Variants in CCN2 observed in about 807,000 individuals in gnomAD.
CCN2 encodes CCN family member 2.
CCN2 carries 22 observed loss-of-function variants against 33.2 expected under a neutral mutation model. The ratio of observed to expected loss-of-function variants is 0.66; its 90% CI spans 0.47 to 0.95. The LOEUF (loss-of-function observed/expected upper bound fraction) is 0.95. Among genes scored for constraint, CCN2 ranks in the 40% least tolerant of loss-of-function variants. The pLI, the probability that CCN2 is intolerant of heterozygous loss-of-function variation, is 0.00. For missense variants in CCN2, 469 were observed against 498.8 expected (o/e 0.94, Z 0.57); for synonymous variants, 178 against 200.6 (o/e 0.89, Z 0.95).
rs916431661 is a variant in CCN2, at chr6:131,951,318, C to T, written c.-146G>A. On this transcript the variant is annotated 5_prime_UTR_variant, in exon 1 of 5. Coordinates refer to ENST00000367976, the MANE Select transcript of CCN2 (RefSeq NM_001901.4). ...GTCGGCCGGGGCGGCTGCCGTCGAG[C>T]TGGAGGGTGGAGTCGCACTGGCTGT... is the stretch of plus-strand genomic sequence containing the variant. 3.3e-6 allele frequency: 2 copies of T among 613,188 alleles called. No homozygotes were observed. The highest frequency in any genetic ancestry group is 4.7e-6 in the Non-Finnish European group (2 of 429,526). The allele number at this position is 613,188 out of a possible 1,614,324, so 38.0% of individuals were successfully genotyped here. A position where few individuals can be genotyped will look rare whatever the true frequency, so the allele number is the denominator to read the frequency against.
rs1453289562 is a variant in CCN2, at chr6:131,949,456, T to G, written c.858A>C (p.Val286=). The part of the protein sequence containing the change: ...MKTYRAKFCG[V]CTDGRCCTPH... Reference sequence around the variant, plus strand: ...GGGTGCAGCATCGGCCGTCGGTACATACTCCACAGAATTTAGCTCGGTATG... The same window carrying G: ...GGGTGCAGCATCGGCCGTCGGTACAGACTCCACAGAATTTAGCTCGGTATG... Residue 286 remains valine (V), a synonymous_variant, in exon 5 of 5, where the codon GTA becomes GTC. Coordinates refer to ENST00000367976, the MANE Select transcript of CCN2 (RefSeq NM_001901.4). 3.1e-6 allele frequency: 5 copies of G among 1,614,074 alleles called. No homozygotes were observed. The highest frequency in any genetic ancestry group is 4.2e-6 in the Non-Finnish European group (5 of 1,180,056).
chr6:131,950,640 G>A lies in CCN2; in HGVS notation c.290-97C>T. 2 of 1,536,294 alleles carry A rather than the reference G, an allele frequency of 1.3e-6. No homozygotes were observed. On this transcript the variant is annotated intron_variant, in intron 2 of 4. Coordinates refer to ENST00000367976, the MANE Select transcript of CCN2 (RefSeq NM_001901.4). This position sits in a 1 kb window ranked among gnomAD's most constrained non-coding sequence, Gnocchi z 7.1. Reference sequence around the variant, plus strand: ...GCGTCAGGGATGCGAGTTGGGATCTGGGCTGCAGGGGGCGGGCTGGCAGCA... The same window carrying A: ...GCGTCAGGGATGCGAGTTGGGATCTAGGCTGCAGGGGGCGGGCTGGCAGCA...
rs1783101332 is a variant in CCN2, at chr6:131,950,986, C to T, written c.73G>A (p.Val25Ile). The change falls in exon 2 of 5, where the codon GTC becomes ATC. Residue 25 changes from valine (V) to isoleucine (I), a missense_variant. Coordinates refer to ENST00000367976, the MANE Select transcript of CCN2 (RefSeq NM_001901.4). The surrounding 1 kb of genome is among the most constrained non-coding windows in gnomAD (Gnocchi z 7.1). ...CACGGCCCGCTGCAGTTCTGGCCGACGGCCGGCTGCAGGGAGGACAGGGCG... is the reference window on the plus strand; with the variant it reads ...CACGGCCCGCTGCAGTTCTGGCCGATGGCCGGCTGCAGGGAGGACAGGGCG... ...VLLALCSRPA[V>I]GQNCSGPCRC... 3.8e-6 allele frequency: 5 copies of T among 1,316,304 alleles called. No homozygotes were observed. The South Asian group carries it at 6.6e-5, about 17-fold the overall frequency. 81.5% of individuals were successfully genotyped at this position (1,316,304 alleles called of 1,614,324 possible).
Position 131,949,204 on chromosome 6 carries a change from A to T in CCN2, c.*60T>A. On this transcript the variant is annotated 3_prime_UTR_variant, in exon 5 of 5. Coordinates refer to ENST00000367976, the MANE Select transcript of CCN2 (RefSeq NM_001901.4). ...CTACTGAAATCATTTTTACGGAAAA[A>T]TGAGATGTGAATCAGTTCAAGTTCC... The T allele has an allele frequency of 2.1e-6, 3 of 1,430,802 alleles. No individual in the cohort carries two copies. The highest frequency in any genetic ancestry group is 1.4e-5 in the African/African-American group (1 of 71,282). The allele number at this position is 1,430,802 out of a possible 1,614,324, so 88.6% of individuals were successfully genotyped here.
Position 131,950,689 on chromosome 6 carries a change from AGC to A in CCN2, c.289+79_289+80del, listed in dbSNP as rs1783092381. On this transcript the variant is annotated intron_variant, in intron 2 of 4. Coordinates refer to ENST00000367976, the MANE Select transcript of CCN2 (RefSeq NM_001901.4). This position sits in a 1 kb window ranked among gnomAD's most constrained non-coding sequence, Gnocchi z 7.1. ...CAGCTGGAGAAAGAAACTCAGTCCG[AGC>A]GGTTTCTTTTTCCAGCGGGCGGGTG... The A allele has an allele frequency of 1.4e-6, 2 of 1,455,046 alleles. No homozygotes were observed. The highest frequency in any genetic ancestry group is 2.8e-5 in the African/African-American group (2 of 70,552). The allele number at this position is 1,455,046 out of a possible 1,614,324, so 90.1% of individuals were successfully genotyped here.
chr6:131,951,007 G>A lies in CCN2; in HGVS notation c.67-15C>T. 1.6e-6 allele frequency: 2 copies of A among 1,281,994 alleles called. No homozygotes were observed. The highest frequency in any genetic ancestry group is 4.3e-5 in the Admixed American group (1 of 23,212). 79.4% of individuals were successfully genotyped at this position (1,281,994 alleles called of 1,614,324 possible). ...CCGACGGCCGGCTGCAGGGAGGACAGGGCGGTCAGCGGCGCTCGGTCGGCG... is the reference window on the plus strand; with the variant it reads ...CCGACGGCCGGCTGCAGGGAGGACAAGGCGGTCAGCGGCGCTCGGTCGGCG... On this transcript the variant is annotated splice_polypyrimidine_tract_variant and intron_variant, in intron 1 of 4. Transcript: ENST00000367976.
chr6:131,950,445 C>A lies in CCN2; in HGVS notation c.388G>T (p.Ala130Ser). Residue 130 changes from alanine to serine, a missense_variant, in exon 3 of 5, where the codon GCG becomes TCG. Transcript: ENST00000367976. This position sits in a 1 kb window ranked among gnomAD's most constrained non-coding sequence, Gnocchi z 7.1. ...CKYQCTCLDG[A>S]VGCMPLCSMD... Reference sequence around the variant, plus strand: ...CTGCACAGGGGCATGCAGCCCACCGCCCCGTCCAGGCACGTGCACTGGTAC... The same window carrying A: ...CTGCACAGGGGCATGCAGCCCACCGACCCGTCCAGGCACGTGCACTGGTAC... 6.2e-7 allele frequency: 1 copy of A among 1,614,036 alleles called. No individual in the cohort carries two copies. Among genetic ancestry groups the A allele is most frequent in the Non-Finnish European group, 8.5e-7 (1 of 1,180,044 alleles).
rs752896023 is a variant in CCN2 at position 131,950,824 on chromosome 6, C to T, written c.235G>A (p.Gly79Ser). The change falls in exon 2 of 5, where the codon GGC becomes AGC. Residue 79 changes from glycine to serine, a missense_variant. By Grantham distance (56) the Gly-to-Ser change is moderately conservative. Transcript: ENST00000367976. This position sits in a 1 kb window ranked among gnomAD's most constrained non-coding sequence, Gnocchi z 7.1. ...GGGGAGCCGAAGTGACAGAATAGGCCCTTGTGCGGGTCGCATGGGTCGCGC... is the reference window on the plus strand; with the variant it reads ...GGGGAGCCGAAGTGACAGAATAGGCTCTTGTGCGGGTCGCATGGGTCGCGC... ...TERDPCDPHK[G>S]LFCHFGSPAN... 4.5e-6 allele frequency: 7 copies of T among 1,542,920 alleles called. No individual in the cohort carries two copies. The highest frequency in any genetic ancestry group is 5.2e-6 in the Non-Finnish European group (6 of 1,151,568).
Position 131,950,611 on chromosome 6 carries a change from C to T in CCN2, c.290-68G>A. The T allele has an allele frequency of 6.3e-7, 1 of 1,576,870 alleles. No individual in the cohort carries two copies. Among genetic ancestry groups the T allele is most frequent in the Non-Finnish European group, 8.6e-7 (1 of 1,158,814 alleles). ...TCAGGCATTGGGGCACTCTCACATC[C>T]AGAGCGTCAGGGATGCGAGTTGGGA... On this transcript the variant is annotated intron_variant, in intron 2 of 4. Coordinates refer to ENST00000367976, the MANE Select transcript of CCN2 (RefSeq NM_001901.4). The surrounding 1 kb of genome is among the most constrained non-coding windows in gnomAD (Gnocchi z 7.1).
chr6:131,949,428 G>A lies in CCN2; in HGVS notation c.886C>T (p.His296Tyr), dbSNP rs15960. The A allele has an allele frequency of 1.2e-6, 2 of 1,614,058 alleles. No homozygotes were observed. The highest frequency in any genetic ancestry group is 1.7e-6 in the Non-Finnish European group (2 of 1,180,044). ...VCTDGRCCTP[H>Y]RTTTLPVEFK... ...TCCACCGGCAGGGTGGTGGTTCTGT[G>A]GGGGGTGCAGCATCGGCCGTCGGTA... The change falls in exon 5 of 5, where the codon CAC (histidine) becomes TAC (tyrosine). Residue 296 changes from histidine to tyrosine, a missense_variant. Physicochemically the swap from His to Tyr is moderately conservative, Grantham distance 83 (BLOSUM62 2). Coordinates refer to ENST00000367976, the MANE Select transcript of CCN2 (RefSeq NM_001901.4).
chr6:131,949,689 A>C, intron 4 of CCN2, 129 bp from the exon 5 acceptor site: 1 of 983,622 alleles, frequency 1.0e-6, no homozygotes, highest in Non-Finnish European at 1.5e-6. Flanking sequence ...TGAGGGGAGG[A>C]AGTTTGAGTC....
chr6:131,949,427 T>TG lies in CCN2; in HGVS notation c.886dup (p.His296ProfsTer14). The TG allele has an allele frequency of 6.2e-7, 1 of 1,614,088 alleles. No individual in the cohort carries two copies. The highest frequency in any genetic ancestry group is 8.5e-7 in the Non-Finnish European group (1 of 1,180,008). On this transcript the variant is annotated frameshift_variant, in exon 5 of 5. Coordinates refer to ENST00000367976, the MANE Select transcript of CCN2 (RefSeq NM_001901.4). LOFTEE classifies it high-confidence loss of function. ...CTCCACCGGCAGGGTGGTGGTTCTG[T>TG]GGGGGGTGCAGCATCGGCCGTCGGT... is the stretch of plus-strand genomic sequence containing the variant.
Position 131,951,183 on chromosome 6 carries a change from G to T in CCN2, c.-11C>A, listed in dbSNP as rs746198748. ...ACTGGCGGCGGTCATGGTTGGCACTGCGGGCGGAGCGGAGGGCGCGGTGGC... is the reference window on the plus strand; with the variant it reads ...ACTGGCGGCGGTCATGGTTGGCACTTCGGGCGGAGCGGAGGGCGCGGTGGC... On this transcript the variant is annotated 5_prime_UTR_variant, in exon 1 of 5. Transcript: ENST00000367976. 1.1e-5 allele frequency: 14 copies of T among 1,310,198 alleles called. No homozygotes were observed. The East Asian group carries it at 3.2e-4, about 30-fold the overall frequency. 81.2% of individuals were successfully genotyped at this position (1,310,198 alleles called of 1,614,324 possible).
intron 4 of CCN2, 76 bp downstream of exon 4, chr6:131,949,873 C>T (rs995531089): frequency 1.4e-6 from 2 of 1,388,356 alleles, no homozygotes; most frequent in Non-Finnish European, 2.0e-6. Flanking sequence ...TACTAACAAG[C>T]GTGGCAAGAG....
intron 4 of CCN2, 150 bp from the exon 5 acceptor site, chr6:131,949,710 T>G: frequency 2.2e-6 from 2 of 897,812 alleles, no homozygotes; most frequent in Non-Finnish European, 3.4e-6. Context: ...TCATTTGCTA[T>G]GTCCAAAAAT....
Position 131,950,241 on chromosome 6 carries a change from C to A in CCN2, c.541+51G>T, listed in dbSNP as rs1159769091. 3 of 1,610,208 alleles carry A rather than the reference C, an allele frequency of 1.9e-6. No homozygotes were observed. On this transcript the variant is annotated intron_variant, in intron 3 of 4. Transcript: ENST00000367976. The surrounding 1 kb of genome is among the most constrained non-coding windows in gnomAD (Gnocchi z 7.1). ...CCGTTCGGTCGGCACAGTTAGGACT[C>A]CCTCCCTGGGAGAGAATCACGACCC...
At position 131,950,170 on chromosome 6, in the gene CCN2, C is replaced by T. The variant is rs1428929657; in HGVS notation, c.542-10G>A. 3.7e-6 allele frequency: 6 copies of T among 1,614,066 alleles called. No homozygotes were observed. Among genetic ancestry groups the T allele is most frequent in the Admixed American group, 1.7e-5 (1 of 60,018 alleles). On this transcript the variant is annotated splice_polypyrimidine_tract_variant and intron_variant, in intron 3 of 4. Transcript: ENST00000367976. The surrounding 1 kb of genome is among the most constrained non-coding windows in gnomAD (Gnocchi z 7.1). ...TCTTCCAGTCGGTAAGCTGCGAGAG[C>T]AGAGCACACAAACACCATGTAAAAC...
chr6:131,951,272 C>A lies in CCN2; in HGVS notation c.-100G>T. ...GGTCGGAGGTGGGGACCGGGACGCG[C>A]CGGGCTGTCGTCTCGGGGCTGTCGG... On this transcript the variant is annotated 5_prime_UTR_variant, in exon 1 of 5. Transcript: ENST00000367976. 1 of 1,072,070 alleles carries A rather than the reference C, an allele frequency of 9.3e-7. No homozygotes were observed. The allele number at this position is 1,072,070 out of a possible 1,614,324, so 66.4% of individuals were successfully genotyped here.
Position 131,950,237 on chromosome 6 carries a change from G to T in CCN2, c.541+55C>A. ...TCCCCCGTTCGGTCGGCACAGTTAG[G>T]ACTCCCTCCCTGGGAGAGAATCACG... On this transcript the variant is annotated intron_variant, in intron 3 of 4. Transcript: ENST00000367976. The surrounding 1 kb of genome is among the most constrained non-coding windows in gnomAD (Gnocchi z 7.1). 6.2e-7 allele frequency: 1 copy of T among 1,610,562 alleles called. No individual in the cohort carries two copies. Among genetic ancestry groups the T allele is most frequent in the Non-Finnish European group, 8.5e-7 (1 of 1,177,310 alleles).
Sources: allele counts gnomAD v4.1 joint callset, GRCh38; gene constraint gnomAD v4.1.1; non-coding constraint Gnocchi (gnomAD v3.1); transcripts MANE v1.5; gene names NCBI Gene and HGNC (gene_info 2026-07-23, HGNC 2026-07-21).